CEP63: variants seen among roughly 807,000 people sequenced by gnomAD.
The protein encoded by CEP63 is centrosomal protein 63.
CEP63 carries 84 observed loss-of-function variants against 89.1 expected under a neutral mutation model. That is an observed-to-expected ratio of 0.94 (90% confidence interval 0.79 to 1.13). The LOEUF is 1.13. CEP63 is among the 50% of genes most tolerant of loss of function. The pLI is 0.00. For missense variants in CEP63, 838 were observed against 813.3 expected, an observed-to-expected ratio of 1.03 and a Z score of -0.37; for synonymous variants, 267 against 272.5, an observed-to-expected ratio of 0.98 and a Z score of 0.20.
At chr3:134,608,955 C>G in the CEP63 span, 1 of 1,207,600 alleles carries the variant, frequency 8.3e-7, no homozygotes, top group Non-Finnish European at 1.1e-6. Flanking sequence ...CCATCTCCGA[C>G]CCTAACATGG....
At chr3:134,717,598 G>A in the CEP63 span, among the ~76,000 whole-genome samples, 1 of 152,182 alleles carries the variant, frequency 6.6e-6, no homozygotes, top group East Asian at 1.9e-4. Flanking sequence ...CAGTAACATA[G>A]TGTGTGTACA....
chr3:134,720,028 A>G, the CEP63 span, among the ~76,000 whole-genome samples: 3 of 152,150 alleles, frequency 2.0e-5, no homozygotes, highest in Admixed American at 6.5e-5. Flanking sequence ...CCCTACATTT[A>G]TCGTTTTGAG....
chr3:134,620,995 G>A, the CEP63 span: 1 of 631,088 alleles, frequency 1.6e-6, no homozygotes, highest in East Asian at 2.8e-5. Context: ...GCAAAGGCTG[G>A]CTGAGGACAA....
At chr3:134,569,217 C>A (rs115721291), downstream of CEP63, among the ~76,000 whole-genome samples, 698 of 152,324 alleles carry the variant, frequency 4.6e-3, 11 homozygotes, top group African/African-American at 0.016. Context: ...TGTGTCCTCA[C>A]ATTTCAAAAC....
chr3:134,754,971 C>T, the CEP63 span, among the ~76,000 whole-genome samples: 8 of 152,064 alleles, frequency 5.3e-5, no homozygotes, highest in Admixed American at 5.2e-4. Context: ...CCCTGGGCTC[C>T]CTCTTCACTG....
intron 12 of CEP63, among the ~76,000 whole-genome samples, chr3:134,556,729 A>G (rs925975491): frequency 6.6e-6 from 1 of 152,210 alleles, no homozygotes; most frequent in Admixed American, 6.5e-5. Flanking sequence ...TCCAGCTATC[A>G]ATAATAGTGG....
the CEP63 span, among the ~76,000 whole-genome samples, chr3:134,660,255 C>T: frequency 2.6e-5 from 4 of 152,350 alleles, no homozygotes; most frequent in African/African-American, 4.8e-5. Context: ...AAGGAGGTTG[C>T]GATGGAGGGA....
the CEP63 span, among the ~76,000 whole-genome samples, chr3:134,773,169 T>C: frequency 6.6e-6 from 1 of 152,186 alleles, no homozygotes; most frequent in African/African-American, 2.4e-5. Context: ...ATCTCCTTCC[T>C]GGTTCTCCTC....
At chr3:134,738,131 A>G in the CEP63 span, among the ~76,000 whole-genome samples, 1 of 152,200 alleles carries the variant, frequency 6.6e-6, no homozygotes, top group Non-Finnish European at 1.5e-5. Flanking sequence ...GGCAAAAATT[A>G]AAAAGAATAT....
At chr3:134,573,448 C>A (rs1958098147) in intron 11 of CEP63, among the ~76,000 whole-genome samples, 2 of 152,146 alleles carry the variant, frequency 1.3e-5, no homozygotes, top group South Asian at 4.2e-4. Context: ...GGTAAGGGTC[C>A]AGTTTCAATC....
chr3:134,515,613 T>C (rs1005325692), intron 3 of CEP63, among the ~76,000 whole-genome samples: 6 of 152,226 alleles, frequency 3.9e-5, no homozygotes, highest in African/African-American at 1.4e-4. Context: ...TATGTAACTT[T>C]AGTAGACATT....
At chr3:134,617,705 G>C in the CEP63 span, among the ~76,000 whole-genome samples, 1 of 152,198 alleles carries the variant, frequency 6.6e-6, no homozygotes, top group Non-Finnish European at 1.5e-5. Flanking sequence ...CATGAGTTTG[G>C]TGTGCAACTG....
chr3:134,601,828 C>A, the CEP63 span, among the ~76,000 whole-genome samples: 1 of 152,212 alleles, frequency 6.6e-6, no homozygotes, highest in Non-Finnish European at 1.5e-5. Flanking sequence ...GGGGAGGGAT[C>A]CCGGGGGATA....
the CEP63 span, among the ~76,000 whole-genome samples, chr3:134,703,460 A>G: frequency 1.8e-4 from 28 of 152,336 alleles, 1 homozygote; most frequent in South Asian, 5.4e-3. Flanking sequence ...AAGGAATGAG[A>G]TCATGTCCTT....
At chr3:134,546,091 C>T (rs1953244603) in intron 7 of CEP63, 58 bp from the exon 8 acceptor site, 2 of 1,568,474 alleles carry the variant, frequency 1.3e-6, no homozygotes, top group African/African-American at 1.4e-5. Context: ...GAGTATTTTG[C>T]AGGTTCTGCA....
chr3:134,679,024 A>G, the CEP63 span, among the ~76,000 whole-genome samples: 1 of 152,220 alleles, frequency 6.6e-6, no homozygotes, highest in Non-Finnish European at 1.5e-5. Flanking sequence ...GTATAGACCC[A>G]TTGTATACTG....
At chr3:134,488,323 G>A (rs1936370195) in intron 1 of CEP63, among the ~76,000 whole-genome samples, 1 of 152,166 alleles carries the variant, frequency 6.6e-6, no homozygotes. Flanking sequence ...TATTACTGAA[G>A]AAGTGGTTGG....
At position 134,531,902 on chromosome 3, in the gene CEP63, A is replaced by T. The variant is rs1346115676; in HGVS notation, c.280A>T (p.Met94Leu). The change falls in exon 4 of 15, where the codon ATG becomes TTG. Residue 94 changes from methionine (M) to leucine (L), a missense_variant. Met to Leu is a conservative substitution (Grantham distance 15). Transcript: ENST00000675561. Reference protein sequence around the residue: ...EHEKIKQEMTMEYKQELKKLH... With the variant: ...EHEKIKQEMTLEYKQELKKLH... ...TGAAAAAATCAAGCAAGAGATGACC[A>T]TGGAATATAAGCAGGAGTTGAAGAA... 4.3e-6 allele frequency: 7 copies of T among 1,613,568 alleles called. No individual in the cohort carries two copies.
At chr3:134,635,013 T>C in the CEP63 span, among the ~76,000 whole-genome samples, 1 of 152,352 alleles carries the variant, frequency 6.6e-6, no homozygotes, top group East Asian at 1.9e-4. Context: ...ACAAAACATG[T>C]ACTTACCATA....
Sources: allele counts gnomAD v4.1 joint callset (sites outside exome capture counted in the v4.1 genomes callset), GRCh38; gene constraint gnomAD v4.1.1; transcripts MANE v1.5; gene names NCBI Gene and HGNC (gene_info 2026-07-23, HGNC 2026-07-21).